GFRA2: variants seen among roughly 807,000 people sequenced by gnomAD.
The protein encoded by GFRA2 is GDNF family receptor alpha-2.
In GFRA2, 17 loss-of-function variants were observed where a neutral mutation model predicts 48.3. The ratio of observed to expected loss-of-function variants is 0.35; its 90% CI spans 0.24 to 0.53. The LOEUF (loss-of-function observed/expected upper bound fraction) is 0.53, where lower values mean the gene tolerates loss of function less well. Among genes scored for constraint, GFRA2 ranks in the 20% least tolerant of loss-of-function variants. The probability of loss-of-function intolerance (pLI) is 0.93; values close to 1 mark genes in which losing one functional copy is unlikely to be tolerated. For missense variants in GFRA2, 660 were observed against 637.3 expected, an observed-to-expected ratio of 1.04 and a Z score of -0.38; for synonymous variants, 305 against 257.2, an observed-to-expected ratio of 1.19 and a Z score of -1.78.
intron 8 of GFRA2, among the ~76,000 whole-genome samples, chr8:21,693,967 T>A (rs1208676527): frequency 6.7e-6 from 1 of 149,624 alleles, no homozygotes; most frequent in Non-Finnish European, 1.5e-5. Flanking sequence ...GTTACTGTCT[T>A]GGGTCTATAA....
chr8:21,706,323 C>T (rs1802745400), intron 4 of GFRA2: 2 of 566,676 alleles, frequency 3.5e-6, no homozygotes, highest in Admixed American at 4.4e-5. Flanking sequence ...CAGAAACAGC[C>T]TGCTCTAAAT....
intron 1 of GFRA2, among the ~76,000 whole-genome samples, chr8:21,786,403 C>G (rs1387550167): frequency 6.6e-6 from 1 of 152,276 alleles, no homozygotes; most frequent in African/African-American, 2.4e-5. Flanking sequence ...AGTAGGCAAT[C>G]TGGCTGTTTT....
Position 21,745,691 on chromosome 8 carries a change from C to T in GFRA2, c.794+4897G>A, listed in dbSNP as rs1804971171. On this transcript the variant is annotated intron_variant, in intron 4 of 8. Coordinates refer to ENST00000524240, the MANE Select transcript of GFRA2 (RefSeq NM_001495.5). ...CTCTCCAGGTGCCCCCTTGAGCCAC[C>T]TGTCACCTCTGATGCTAACAACGGG... Among the ~76,000 whole-genome samples the T allele has an allele frequency of 3.3e-5, 5 of 152,206 alleles. No homozygotes were observed. In the South Asian group the frequency reaches 1.0e-3, roughly 32 times the overall value.
chr8:21,700,653 G>A (rs904206317), intron 7 of GFRA2, among the ~76,000 whole-genome samples: 2 of 152,174 alleles, frequency 1.3e-5, no homozygotes, highest in Non-Finnish European at 2.9e-5. Context: ...ATCTTGGAGG[G>A]TCTTTCAAGT....
At chr8:21,738,062 C>G (rs557231976) in intron 4 of GFRA2, among the ~76,000 whole-genome samples, 3 of 152,194 alleles carry the variant, frequency 2.0e-5, no homozygotes, top group Non-Finnish European at 2.9e-5. Flanking sequence ...GACATTTCCT[C>G]TTGCATGTTC....
chr8:21,706,486 AC>A, intron 4 of GFRA2: 2 of 457,098 alleles, frequency 4.4e-6, no homozygotes, highest in Middle Eastern at 3.3e-4. Context: ...AAAACAGGTG[AC>A]TAGTCCCTTC....
At chr8:21,715,456 G>A (rs752527392) in intron 4 of GFRA2, among the ~76,000 whole-genome samples, 11 of 152,132 alleles carry the variant, frequency 7.2e-5, no homozygotes, top group East Asian at 1.9e-4. Context: ...CTATAGGCAC[G>A]CACCACCACG....
intron 4 of GFRA2, among the ~76,000 whole-genome samples, chr8:21,737,579 G>A (rs1269483744): frequency 2.6e-5 from 4 of 152,024 alleles, no homozygotes; most frequent in Admixed American, 6.5e-5. Context: ...CCAACCTTAC[G>A]CGCACAGACT....
chr8:21,722,196 T>C (rs1373186203), intron 4 of GFRA2, among the ~76,000 whole-genome samples: 1 of 152,134 alleles, frequency 6.6e-6, no homozygotes, highest in African/African-American at 2.4e-5. Context: ...CTTTTCCCCC[T>C]CTGTGCCCTT....
At chr8:21,774,400 C>A (rs1486747739) in intron 3 of GFRA2, among the ~76,000 whole-genome samples, 1 of 152,016 alleles carries the variant, frequency 6.6e-6, no homozygotes, top group Non-Finnish European at 1.5e-5. Flanking sequence ...CCTGCAGACA[C>A]CTCCCTTCAT....
At chr8:21,787,273 A>G (rs1447862225) in intron 1 of GFRA2, among the ~76,000 whole-genome samples, 554 of 51,336 alleles carry the variant, frequency 0.011, 7 homozygotes, top group Admixed American at 0.038. Flanking sequence ...CGGGGGGGGC[A>G]GTGGGGGGGG....
At chr8:21,759,074 A>T (rs954305489) in intron 3 of GFRA2, among the ~76,000 whole-genome samples, 1 of 152,178 alleles carries the variant, frequency 6.6e-6, no homozygotes, top group African/African-American at 2.4e-5. Flanking sequence ...CTAGTAAGGG[A>T]AAGACTGAGA....
At chr8:21,724,232 G>C (rs1803745381) in intron 4 of GFRA2, among the ~76,000 whole-genome samples, 1 of 152,094 alleles carries the variant, frequency 6.6e-6, no homozygotes, top group South Asian at 2.1e-4. Flanking sequence ...TCTTGTGTGG[G>C]GGGCCTGGTG....
chr8:21,766,579 T>C (rs868295371), intron 3 of GFRA2, among the ~76,000 whole-genome samples: 2 of 151,438 alleles, frequency 1.3e-5, no homozygotes, highest in South Asian at 4.2e-4. Context: ...GTCCACACAT[T>C]CCTGTTACTG....
intron 3 of GFRA2, among the ~76,000 whole-genome samples, chr8:21,759,426 GAGGGAAA>G: frequency 7.3e-6 from 1 of 137,618 alleles, no homozygotes; most frequent in Admixed American, 7.4e-5. Context: ...AAGAGGGAAA[GAGGGAAA>G]GAGGGAGGGA....
chr8:21,764,047 G>A (rs1230756239), intron 3 of GFRA2, among the ~76,000 whole-genome samples: 1 of 150,958 alleles, frequency 6.6e-6, no homozygotes, highest in African/African-American at 2.4e-5. Context: ...CCAATCTCAA[G>A]CTCCAAATGG....
intron 4 of GFRA2, 44 bp from the exon 5 acceptor site, chr8:21,706,085 T>C: frequency 7.9e-7 from 1 of 1,263,022 alleles, no homozygotes; most frequent in South Asian, 1.3e-5. Context: ...AGGGGTTCAG[T>C]CTAGCTGCCT....
At chr8:21,751,873 GC>G (rs1165297851) in intron 3 of GFRA2, among the ~76,000 whole-genome samples, 1 of 152,094 alleles carries the variant, frequency 6.6e-6, no homozygotes, top group Non-Finnish European at 1.5e-5. Context: ...CAAGAGGAGG[GC>G]CCACTCTGGA....
At chr8:21,762,171 C>A (rs1345782410) in intron 3 of GFRA2, among the ~76,000 whole-genome samples, 2 of 152,144 alleles carry the variant, frequency 1.3e-5, no homozygotes, top group African/African-American at 4.8e-5. Flanking sequence ...CCATCCCAAG[C>A]AAGATCTCGG....
Sources: gnomAD v4.1 joint callset for allele counts (sites outside exome capture counted in the v4.1 genomes callset) on GRCh38, gnomAD v4.1.1 for gene constraint, MANE v1.5 for transcripts, NCBI Gene and HGNC (gene_info 2026-07-23, HGNC 2026-07-21) for gene names.